Variants in SIAH3 observed in about 807,000 individuals in gnomAD.
The protein encoded by SIAH3 is seven in absentia homolog 3.
Under a neutral mutation model 12.6 loss-of-function variants are expected in SIAH3, and 9 were observed. The ratio of observed to expected loss-of-function variants is 0.72; its 90% CI spans 0.43 to 1.25. SIAH3 has a LOEUF of 1.25. Among genes scored for constraint, SIAH3 ranks in the 50% most tolerant of loss-of-function variants. The pLI is 0.00. For synonymous variants in SIAH3, 154 were observed against 151.1 expected (o/e 1.02, Z -0.14); for missense variants, 390 against 365.4 (o/e 1.07, Z -0.55).
rs1950758672 is a variant in SIAH3, at chr13:45,846,044, C to CAGTGTAG, written c.135+5444_135+5450dup. Among the ~76,000 whole-genome samples, 4 of 145,090 alleles carry CAGTGTAG rather than the reference C, an allele frequency of 2.8e-5. No individual in the cohort carries two copies. In the South Asian group the frequency reaches 6.8e-4, roughly 25 times the overall value. ...AGCATAATTTGAAGGCAACCTGGGG[C>CAGTGTAG]AGTGTAGGAATATAGATCTGATGTT... On this transcript the variant is annotated intron_variant, in intron 1 of 1. Coordinates refer to ENST00000400405, the MANE Select transcript of SIAH3 (RefSeq NM_198849.3).
At chr13:45,843,194 G>C (rs1950747025) in intron 1 of SIAH3, among the ~76,000 whole-genome samples, 1 of 152,042 alleles carries the variant, frequency 6.6e-6, no homozygotes, top group African/African-American at 2.4e-5. Flanking sequence ...CCTAGACTGA[G>C]CATCATCCCC....
chr13:45,780,832 TTA>T lies in SIAH3; in HGVS notation c.*2549_*2550del, dbSNP rs558091719. ...TTCATGTCTTAGAACCTCTATTCTGTTAGTATATTGAGGATACTAATGAGGAT... is the reference window on the plus strand; with the variant it reads ...TTCATGTCTTAGAACCTCTATTCTGTGTATATTGAGGATACTAATGAGGAT... On this transcript the variant is annotated 3_prime_UTR_variant, in exon 2 of 2. Coordinates refer to ENST00000400405, the MANE Select transcript of SIAH3 (RefSeq NM_198849.3). The T allele has an allele frequency of 2.6e-5, 4 of 152,224 alleles. No individual in the cohort carries two copies. The highest frequency in any genetic ancestry group is 5.9e-5 in the Non-Finnish European group (4 of 68,040). 9.4% of individuals were successfully genotyped at this position (152,224 alleles called of 1,614,324 possible). A position where few individuals can be genotyped will look rare whatever the true frequency, so the allele number is the denominator to read the frequency against.
chr13:45,784,398 GTTTTTTT>G (rs35686357), intron 1 of SIAH3, among the ~76,000 whole-genome samples: 47 of 65,842 alleles, frequency 7.1e-4, no homozygotes, highest in African/African-American at 1.8e-3. Context: ...AAAGACAGCT[GTTTTTTT>G]TTTTTTTTTT....
chr13:45,824,168 G>A (rs968143012), intron 1 of SIAH3, among the ~76,000 whole-genome samples: 1 of 152,128 alleles, frequency 6.6e-6, no homozygotes, highest in Non-Finnish European at 1.5e-5. Context: ...ATCTGACTTA[G>A]GTTTAAGTGA....
chr13:45,783,847 A>G lies in SIAH3; in HGVS notation c.346T>C (p.Trp116Arg), dbSNP rs1950515269. 6.2e-7 allele frequency: 1 copy of G among 1,614,100 alleles called. No individual in the cohort carries two copies. Among genetic ancestry groups the G allele is most frequent in the Non-Finnish European group, 8.5e-7 (1 of 1,180,012 alleles). Residue 116 changes from tryptophan to arginine, a missense_variant, in exon 2 of 2, where the codon TGG (tryptophan) becomes CGG (arginine). Trp to Arg is a moderately radical substitution (Grantham distance 101, BLOSUM62 -3). Transcript: ENST00000400405. ...LCMCPLFSCQ[W>R]EGRLEVVVPH... The stretch of plus-strand genomic sequence containing the variant: ...ACCACCACCTCCAGGCGGCCTTCCC[A>G]CTGGCAGGAGAACAAGGGACACATG...
chr13:45,832,743 C>T (rs1029464936), intron 1 of SIAH3, among the ~76,000 whole-genome samples: 4 of 152,058 alleles, frequency 2.6e-5, no homozygotes, highest in Non-Finnish European at 5.9e-5. Context: ...TTTGAGGGAG[C>T]TTCATACTAT....
chr13:45,848,726 C>A (rs2137587967), intron 1 of SIAH3, among the ~76,000 whole-genome samples: 1 of 152,288 alleles, frequency 6.6e-6, no homozygotes, highest in Middle Eastern at 3.4e-3. Flanking sequence ...ACAAGCTTCC[C>A]AGCCCTCTTT....
intron 1 of SIAH3, among the ~76,000 whole-genome samples, chr13:45,832,655 A>AT (rs1162037264): frequency 5.3e-5 from 8 of 152,102 alleles, no homozygotes; most frequent in African/African-American, 1.7e-4. Context: ...CATCCGTTTG[A>AT]CTTTTTATTT....
chr13:45,829,608 C>T (rs1950691278), intron 1 of SIAH3, among the ~76,000 whole-genome samples: 1 of 152,128 alleles, frequency 6.6e-6, no homozygotes, highest in South Asian at 2.1e-4. Flanking sequence ...GACCCTGACT[C>T]AAAAGATATA....
At chr13:45,804,971 C>T (rs1408460723) in intron 1 of SIAH3, among the ~76,000 whole-genome samples, 1 of 106,956 alleles carries the variant, frequency 9.3e-6, no homozygotes, top group Non-Finnish European at 2.0e-5. Flanking sequence ...ATAACACACA[C>T]ACACACACAC....
At chr13:45,842,254 T>C (rs1950742654) in intron 1 of SIAH3, among the ~76,000 whole-genome samples, 1 of 152,216 alleles carries the variant, frequency 6.6e-6, no homozygotes, top group Admixed American at 6.5e-5. Context: ...AGGTAACATC[T>C]CTGCAGGACT....
chr13:45,834,025 G>A (rs181490796), intron 1 of SIAH3, among the ~76,000 whole-genome samples: 4 of 151,948 alleles, frequency 2.6e-5, no homozygotes, highest in Admixed American at 6.6e-5. Context: ...AAAAAAGAAG[G>A]GGAAAAAAAA....
intron 1 of SIAH3, among the ~76,000 whole-genome samples, chr13:45,784,657 C>T (rs1012723584): frequency 6.6e-5 from 10 of 152,168 alleles, no homozygotes; most frequent in Middle Eastern, 3.4e-3. Flanking sequence ...AGAGAGTCCC[C>T]GCTGTGACTC....
At chr13:45,797,165 A>G (rs893756546) in intron 1 of SIAH3, among the ~76,000 whole-genome samples, 2 of 150,906 alleles carry the variant, frequency 1.3e-5, no homozygotes, top group African/African-American at 2.4e-5. Flanking sequence ...TTTTTTTAAC[A>G]CAATTCACCA....
chr13:45,833,592 T>A (rs772572352), intron 1 of SIAH3, among the ~76,000 whole-genome samples: 2 of 152,232 alleles, frequency 1.3e-5, no homozygotes, highest in Admixed American at 6.5e-5. Context: ...TGATACTCTC[T>A]ATCCACATTG....
At chr13:45,838,888 T>G (rs1330749102) in intron 1 of SIAH3, among the ~76,000 whole-genome samples, 1 of 151,964 alleles carries the variant, frequency 6.6e-6, no homozygotes, top group Non-Finnish European at 1.5e-5. Context: ...TCATCCCGCT[T>G]TCCTTCCAGA....
At chr13:45,831,000 G>A (rs796901989) in intron 1 of SIAH3, among the ~76,000 whole-genome samples, 2 of 152,060 alleles carry the variant, frequency 1.3e-5, no homozygotes, top group African/African-American at 2.4e-5. Flanking sequence ...CCAACATGGC[G>A]AAACCCCGTC....
chr13:45,798,137 TAATA>T (rs1950569420), intron 1 of SIAH3, among the ~76,000 whole-genome samples: 1 of 152,252 alleles, frequency 6.6e-6, no homozygotes. Flanking sequence ...TCGCTTTAAT[TAATA>T]AATTCTCCAT....
intron 1 of SIAH3, among the ~76,000 whole-genome samples, chr13:45,819,525 A>C (rs1016248320): frequency 6.6e-6 from 1 of 152,192 alleles, no homozygotes; most frequent in Non-Finnish European, 1.5e-5. Flanking sequence ...AAAAACAGCA[A>C]AGAGGAAATC....
Sources: allele counts gnomAD v4.1 joint callset (sites outside exome capture counted in the v4.1 genomes callset), GRCh38; gene constraint gnomAD v4.1.1; transcripts MANE v1.5; gene names NCBI Gene and HGNC (gene_info 2026-07-23, HGNC 2026-07-21).